Variants in BTBD16 observed in about 807,000 individuals in gnomAD.
BTBD16 encodes BTB domain containing 16.
Under a neutral mutation model 67.4 loss-of-function variants are expected in BTBD16, and 66 were observed. The ratio of observed to expected loss-of-function variants is 0.98; its 90% CI spans 0.80 to 1.20. The LOEUF (loss-of-function observed/expected upper bound fraction) is 1.20, where lower values mean the gene tolerates loss of function less well. Ranked by LOEUF, BTBD16 falls within the 50% of genes most tolerant of loss-of-function variation. BTBD16 has a pLI of 0.00. For missense variants in BTBD16, 634 were observed against 616.0 expected (o/e 1.03, Z -0.31); for synonymous variants, 242 against 236.4 (o/e 1.02, Z -0.22).
At chr10:122,282,871 G>A (rs1356804619) in intron 3 of BTBD16, among the ~76,000 whole-genome samples, 3 of 152,184 alleles carry the variant, frequency 2.0e-5, no homozygotes, top group Non-Finnish European at 2.9e-5. Flanking sequence ...CAGAGAAAGC[G>A]GCAATGAAGT....
intron 10 of BTBD16, among the ~76,000 whole-genome samples, chr10:122,318,246 A>C (rs551451536): frequency 1.1e-4 from 17 of 152,024 alleles, no homozygotes; most frequent in Middle Eastern, 3.4e-3. Flanking sequence ...TGGAGTCTGT[A>C]CTCCTTTTTT....
intron 9 of BTBD16, 53 bp from the exon 10 acceptor site, chr10:122,307,136 C>T (rs944979566): frequency 7.1e-6 from 11 of 1,553,138 alleles, no homozygotes; most frequent in African/African-American, 5.5e-5. Flanking sequence ...TTACAAGCAG[C>T]GTGATTTTGT....
intron 3 of BTBD16, among the ~76,000 whole-genome samples, chr10:122,282,335 G>A (rs1440662394): frequency 6.6e-6 from 1 of 152,192 alleles, no homozygotes; most frequent in Non-Finnish European, 1.5e-5. Flanking sequence ...CACTGCTCCT[G>A]TTGAATAAGC....
rs2096365386 is a variant in BTBD16 at position 122,287,117 on chromosome 10, G to A, written c.385+869G>A. On this transcript the variant is annotated intron_variant, in intron 5 of 15. Transcript: ENST00000260723. Reference sequence around the variant, plus strand: ...CCACTGCCTGCGGGAATCTGACTCAGCCCTTCCCCGCTGTGCAGGCAGTGA... The same window carrying A: ...CCACTGCCTGCGGGAATCTGACTCAACCCTTCCCCGCTGTGCAGGCAGTGA... Among the ~76,000 whole-genome samples the A allele has an allele frequency of 2.0e-5, 3 of 152,216 alleles. No homozygotes were observed. The South Asian group carries it at 6.2e-4, about 32-fold the overall frequency.
intron 10 of BTBD16, among the ~76,000 whole-genome samples, chr10:122,326,913 T>C (rs1345674472): frequency 6.6e-6 from 1 of 152,218 alleles, no homozygotes; most frequent in East Asian, 1.9e-4. Flanking sequence ...TGCCAGTCTT[T>C]GAGTCCACCA....
At chr10:122,322,104 G>A (rs1232169189) in intron 10 of BTBD16, among the ~76,000 whole-genome samples, 1 of 152,072 alleles carries the variant, frequency 6.6e-6, no homozygotes, top group Non-Finnish European at 1.5e-5. Context: ...AGCATTGATA[G>A]AGGTTTATTT....
At chr10:122,299,288 G>A (rs1281474005) in intron 9 of BTBD16, among the ~76,000 whole-genome samples, 154 bp downstream of exon 9, 1 of 152,148 alleles carries the variant, frequency 6.6e-6, no homozygotes, top group African/African-American at 2.4e-5. Flanking sequence ...CTGGAACTCA[G>A]GGTGCTGTGT....
At chr10:122,279,543 C>CACACACACACACACAT (rs2096348092) in intron 3 of BTBD16, among the ~76,000 whole-genome samples, 1 of 151,388 alleles carries the variant, frequency 6.6e-6, no homozygotes, top group Non-Finnish European at 1.5e-5. Context: ...CACACACACA[C>CACACACACACACACAT]ACATCTTTTC....
Position 122,277,954 on chromosome 10 carries a change from A to G in BTBD16, c.167+1015A>G, listed in dbSNP as rs183964523. Among the ~76,000 whole-genome samples, 29 of 152,330 alleles carry G rather than the reference A, an allele frequency of 1.9e-4. No homozygotes were observed. The East Asian group carries it at 5.6e-3, about 29-fold the overall frequency. Reference sequence around the variant, plus strand: ...CTGGCAGCATCAGTCTTGTGAGCTCACAGCCAAATCAAAGTGAGCATGGAC... The same window carrying G: ...CTGGCAGCATCAGTCTTGTGAGCTCGCAGCCAAATCAAAGTGAGCATGGAC... On this transcript the variant is annotated intron_variant, in intron 3 of 15. Transcript: ENST00000260723.
rs187221513 is a variant in BTBD16, at chr10:122,303,661, A to G, written c.792-3528A>G. ...TTATATATAATTTTCTCAGTGAAAA[A>G]TAGAGGACAGTGTCTTATGAAAAGC... On this transcript the variant is annotated intron_variant, in intron 9 of 15. Transcript: ENST00000260723. The G allele has an allele frequency of 1.3e-3, 1,110 of 884,956 alleles. 7 individuals carry two copies. In the African/African-American group the frequency reaches 0.019, roughly 16 times the overall value. The allele number at this position is 884,956 out of a possible 1,614,324, so 54.8% of individuals were successfully genotyped here.
chr10:122,316,897 C>G (rs1437794603), intron 10 of BTBD16, among the ~76,000 whole-genome samples: 1 of 152,052 alleles, frequency 6.6e-6, no homozygotes, highest in East Asian at 1.9e-4. Context: ...AACTGATTCT[C>G]CTGCCTCAGC....
chr10:122,283,893 C>G lies in BTBD16; in HGVS notation c.210C>G (p.Phe70Leu), dbSNP rs141213419. 1.7e-5 allele frequency: 28 copies of G among 1,613,980 alleles called. No homozygotes were observed. The African/African-American group carries it at 3.1e-4, about 18-fold the overall frequency. ...SQIQKFFFEN[F>L]KNKDIQSGEA... ...TCCAGAAGTTTTTCTTTGAGAATTTCAAGAACAAGGACATCCAAAGTGGGG... is the reference window on the plus strand; with the variant it reads ...TCCAGAAGTTTTTCTTTGAGAATTTGAAGAACAAGGACATCCAAAGTGGGG... Residue 70 changes from phenylalanine to leucine, a missense_variant, in exon 4 of 16, where the codon TTC (phenylalanine) becomes TTG (leucine). Transcript: ENST00000260723.
At chr10:122,296,586 G>C (rs535625530) in intron 7 of BTBD16, among the ~76,000 whole-genome samples, 1 of 152,210 alleles carries the variant, frequency 6.6e-6, no homozygotes, top group Non-Finnish European at 1.5e-5. Context: ...AAGCAATTTT[G>C]CTGCAGAGAG....
chr10:122,281,074 T>A (rs2096352017), intron 3 of BTBD16, among the ~76,000 whole-genome samples: 1 of 152,088 alleles, frequency 6.6e-6, no homozygotes, highest in African/African-American at 2.4e-5. Flanking sequence ...CCCAAAGTAT[T>A]GGGATTACAG....
chr10:122,274,547 C>G (rs1278366487), intron 1 of BTBD16, among the ~76,000 whole-genome samples: 1 of 152,140 alleles, frequency 6.6e-6, no homozygotes, highest in African/African-American at 2.4e-5. Flanking sequence ...AACCCAACAG[C>G]CCTGATAATG....
At chr10:122,295,133 G>A (rs1008590874) in intron 7 of BTBD16, among the ~76,000 whole-genome samples, 4 of 152,210 alleles carry the variant, frequency 2.6e-5, no homozygotes, top group Admixed American at 6.5e-5. Flanking sequence ...TATGGGGAGC[G>A]CTGCTTCCCG....
In BTBD16 at chr10:122,299,146, C is replaced by T. The variant is rs761967665; in HGVS notation, c.791+12C>T. 55 of 1,612,656 alleles carry T rather than the reference C, an allele frequency of 3.4e-5. No individual in the cohort carries two copies. Among genetic ancestry groups the T allele is most frequent in the Non-Finnish European group, 4.3e-5 (51 of 1,179,600 alleles). Reference sequence around the variant, plus strand: ...CTGAAGTCCCCCAGGTCAGAGCTGGCTCCCAGGGTGCGGCCCCTGAGAGGG... The same window carrying T: ...CTGAAGTCCCCCAGGTCAGAGCTGGTTCCCAGGGTGCGGCCCCTGAGAGGG... On this transcript the variant is annotated intron_variant, in intron 9 of 15. Coordinates refer to ENST00000260723, the MANE Select transcript of BTBD16 (RefSeq NM_144587.5).
intron 6 of BTBD16, among the ~76,000 whole-genome samples, chr10:122,290,492 A>T (rs1304076336): frequency 1.3e-5 from 2 of 152,098 alleles, no homozygotes; most frequent in Non-Finnish European, 2.9e-5. Context: ...ATGTCATGTG[A>T]TGGCACTTGT....
intron 13 of BTBD16, among the ~76,000 whole-genome samples, chr10:122,334,494 C>CTTTTTTTTTTTTT (rs869262992): frequency 2.3e-5 from 1 of 43,284 alleles, no homozygotes; most frequent in African/African-American, 1.2e-4. Flanking sequence ...CGTGCCCGGC[C>CTTTTTTTTTTTTT]TTTTTTTTTT....
Sources: allele counts gnomAD v4.1 joint callset (sites outside exome capture counted in the v4.1 genomes callset), GRCh38; gene constraint gnomAD v4.1.1; transcripts MANE v1.5; gene names NCBI Gene and HGNC (gene_info 2026-07-23, HGNC 2026-07-21).